The following PSMC6 variants were observed in gnomAD, a reference collection of about 807,000 sequenced individuals.
The protein encoded by PSMC6 is 26S proteasome regulatory subunit 10B.
Under a neutral mutation model 55.9 loss-of-function variants are expected in PSMC6, and 3 were observed. The observed-to-expected ratio is 0.05, with a 90% CI of 0.02 to 0.14. The LOEUF (loss-of-function observed/expected upper bound fraction) is 0.14. Ranked by LOEUF, PSMC6 falls within the 10% of genes least tolerant of loss-of-function variation. PSMC6 has a pLI of 1.00. For missense variants in PSMC6, 210 were observed against 478.7 expected, an observed-to-expected ratio of 0.44 and a Z score of 5.24; for synonymous variants, 137 against 155.9, an observed-to-expected ratio of 0.88 and a Z score of 0.90.
At chr14:52,711,330 G>T in intron 5 of PSMC6, 80 bp from the exon 6 acceptor site, 1 of 1,343,304 alleles carries the variant, frequency 7.4e-7, no homozygotes, top group South Asian at 1.3e-5. Context: ...GTGCTTGCTT[G>T]AGCAAGTTAT....
chr14:52,714,955 A>G (rs1273728261), intron 7 of PSMC6, among the ~76,000 whole-genome samples: 1 of 152,102 alleles, frequency 6.6e-6, no homozygotes, highest in African/African-American at 2.4e-5. Context: ...CAATGACACA[A>G]AACAAAAAAC....
At chr14:52,721,904 T>A (rs935273275) in intron 12 of PSMC6, 2 of 152,586 alleles carry the variant, frequency 1.3e-5, no homozygotes, top group Non-Finnish European at 2.9e-5. Flanking sequence ...TAGCTGGGAC[T>A]ACAGGCACAC....
intron 13 of PSMC6, 103 bp from the exon 14 acceptor site, chr14:52,727,396 A>G (rs1880466272): frequency 2.5e-6 from 2 of 791,664 alleles, no homozygotes; most frequent in South Asian, 2.2e-5. Flanking sequence ...GAAGTAATAA[A>G]TCTAAGCTTC....
intron 10 of PSMC6, among the ~76,000 whole-genome samples, chr14:52,719,883 GGACAATATTTTT>G (rs1164469402): frequency 4.6e-5 from 7 of 152,040 alleles, no homozygotes; most frequent in African/African-American, 1.7e-4. Context: ...TAGAAATTGA[GGACAATATTTTT>G]TATGTCTTTT....
chr14:52,707,399 T>C (rs1390724461), intron 1 of PSMC6, 95 bp downstream of exon 1: 4 of 1,527,486 alleles, frequency 2.6e-6, no homozygotes, highest in East Asian at 4.7e-5. Context: ...CAACCGAGCC[T>C]TAGAGATGAC....
chr14:52,707,228 C>T lies in PSMC6; in HGVS notation c.9C>T (p.Asp3=), dbSNP rs765176425. The T allele has an allele frequency of 2.5e-6, 4 of 1,613,896 alleles. No individual in the cohort carries two copies. The highest frequency in any genetic ancestry group is 1.1e-5 in the South Asian group (1 of 91,076). MA[D]PRDKALQDYR... is the part of the protein sequence containing the mutation. Reference sequence around the variant, plus strand: ...AGAGACGGCTTCTCATCATGGCGGACCCTAGAGATAAGGCGCTTCAGGACT... The same window carrying T: ...AGAGACGGCTTCTCATCATGGCGGATCCTAGAGATAAGGCGCTTCAGGACT... The change falls in exon 1 of 14, where the codon GAC becomes GAT. Residue 3 remains aspartate, a synonymous_variant. Transcript: ENST00000445930.
Position 52,713,894 on chromosome 14 carries a change from C to T in PSMC6, c.455C>T (p.Pro152Leu). 1 of 1,586,412 alleles carries T rather than the reference C, an allele frequency of 6.3e-7. No individual in the cohort carries two copies. Among genetic ancestry groups the T allele is most frequent in the African/African-American group, 1.4e-5 (1 of 73,938 alleles). The change falls in exon 7 of 14, where the codon CCT becomes CTT. Residue 152 changes from proline (P) to leucine (L), a missense_variant. Physicochemically the swap from Pro to Leu is moderately conservative, Grantham distance 98 (BLOSUM62 -3). This residue lies in a region of PSMC6 where 101 missense variants were observed against 250.4 expected (regional missense o/e 0.40). Coordinates refer to ENST00000445930, the MANE Select transcript of PSMC6 (RefSeq NM_002806.5). ...IRELREVIELPLTNPELFQRV... is the reference protein window; with the variant it reads ...IRELREVIELLLTNPELFQRV... ...CTTCTTTTCTAGGTGATAGAATTAC[C>T]TCTTACAAACCCAGAGTTATTTCAG... is the stretch of plus-strand genomic sequence containing the variant.
chr14:52,719,057 G>A lies in PSMC6; in HGVS notation c.777+19G>A, dbSNP rs1395754178. 2 of 1,572,556 alleles carry A rather than the reference G, an allele frequency of 1.3e-6. No homozygotes were observed. Among genetic ancestry groups the A allele is most frequent in the African/African-American group, 1.4e-5 (1 of 73,800 alleles). On this transcript the variant is annotated intron_variant, in intron 10 of 13. Transcript: ENST00000445930. ...AATGGAGGTAATATTTGGTAAAGGG[G>A]GTTTATAAAGAAACCAATGTTTATT...
At chr14:52,716,581 C>T (rs913384231) in intron 7 of PSMC6, among the ~76,000 whole-genome samples, 56 of 152,176 alleles carry the variant, frequency 3.7e-4, no homozygotes, top group African/African-American at 1.3e-3. Flanking sequence ...TGGAGAAACC[C>T]CGTCTCTGCT....
At chr14:52,718,386 C>CT (rs769634775) in intron 9 of PSMC6, 34 bp downstream of exon 9, 15 of 1,582,402 alleles carry the variant, frequency 9.5e-6, no homozygotes, top group South Asian at 2.3e-5. Context: ...AGTTTTAGGA[C>CT]TTTTTTTTAA....
At chr14:52,716,042 C>T (rs2041827088) in intron 7 of PSMC6, among the ~76,000 whole-genome samples, 1 of 152,152 alleles carries the variant, frequency 6.6e-6, no homozygotes, top group African/African-American at 2.4e-5. Context: ...ATAACTCAAC[C>T]AGTAGTTTCC....
At position 52,727,691 on chromosome 14, in the gene PSMC6, T is replaced by G. The variant is rs1880478303; in HGVS notation, c.*74T>G. The G allele has an allele frequency of 2.0e-6, 2 of 978,124 alleles. No individual in the cohort carries two copies. Among genetic ancestry groups the G allele is most frequent in the East Asian group, 4.9e-5 (2 of 40,800 alleles). 60.6% of individuals were successfully genotyped at this position (978,124 alleles called of 1,614,324 possible). A position where few individuals can be genotyped will look rare whatever the true frequency, so the allele number is the denominator to read the frequency against. ...AAAAATAAAGTTAAAGAAAATAATG[T>G]ATGTATTGGTAATGATGTCATTAAA... On this transcript the variant is annotated 3_prime_UTR_variant, in exon 14 of 14. Transcript: ENST00000445930.
chr14:52,707,202 G>T lies in PSMC6; in HGVS notation c.-18G>T, dbSNP rs140545868. The T allele has an allele frequency of 3.0e-4, 472 of 1,594,114 alleles. 4 individuals carry two copies. In the African/African-American group the frequency reaches 5.7e-3, roughly 19 times the overall value. On this transcript the variant is annotated 5_prime_UTR_variant, in exon 1 of 14. The change abolishes an upstream ATG in the 5' untranslated region. Transcript: ENST00000445930. ...CATGGCCATTCCCGGCATCCCCTAT[G>T]AGAGACGGCTTCTCATCATGGCGGA...
chr14:52,714,882 A>C (rs1228207509), intron 7 of PSMC6, among the ~76,000 whole-genome samples: 1 of 151,176 alleles, frequency 6.6e-6, no homozygotes, highest in Admixed American at 6.6e-5. Context: ...AAAAAAAAAA[A>C]AAAAAATTTT....
At chr14:52,723,790 T>C (rs1880288245) in intron 12 of PSMC6, 175 bp from the exon 13 acceptor site, 2 of 1,381,772 alleles carry the variant, frequency 1.4e-6, no homozygotes, top group Non-Finnish European at 1.9e-6. Context: ...TTCTTGGTGC[T>C]GGTTTATTTA....
At chr14:52,723,444 T>G (rs956251156) in intron 12 of PSMC6, 1 of 153,220 alleles carries the variant, frequency 6.5e-6, no homozygotes, top group Non-Finnish European at 1.5e-5. Flanking sequence ...CACTTGAATC[T>G]TGCACAGAAA....
At chr14:52,713,305 C>G (rs1332139940) in intron 6 of PSMC6, among the ~76,000 whole-genome samples, 1 of 152,188 alleles carries the variant, frequency 6.6e-6, no homozygotes, top group Non-Finnish European at 1.5e-5. Flanking sequence ...TTTCTCTAGT[C>G]TCTACTTTTC....
chr14:52,718,195 C>T (rs756305820), intron 8 of PSMC6, 34 bp from the exon 9 acceptor site: 1 of 1,608,672 alleles, frequency 6.2e-7, no homozygotes, highest in Non-Finnish European at 8.5e-7. Flanking sequence ...CTTGAATTAT[C>T]TTATATTTAC....
rs755603944 is a variant in PSMC6, at chr14:52,711,391, A to G, written c.327-19A>G. The G allele has an allele frequency of 1.0e-5, 16 of 1,561,260 alleles. No individual in the cohort carries two copies. The highest frequency in any genetic ancestry group is 2.7e-5 in the African/African-American group (2 of 73,322). On this transcript the variant is annotated intron_variant, in intron 5 of 13. Coordinates refer to ENST00000445930, the MANE Select transcript of PSMC6 (RefSeq NM_002806.5). ...AAAATATATCTTTCAAAAGAAAAAT[A>G]CATACCTTTTCATTCTAGATATTTG...
Sources: allele counts gnomAD v4.1 joint callset (sites outside exome capture counted in the v4.1 genomes callset), GRCh38; gene constraint gnomAD v4.1.1; regional missense constraint gnomAD v4.1.1; transcripts MANE v1.5; gene names NCBI Gene and HGNC (gene_info 2026-07-23, HGNC 2026-07-21).